Variants in SSBP4 observed in about 807,000 individuals in gnomAD.
The protein encoded by SSBP4 is single stranded DNA binding protein 4.
SSBP4 carries 33 observed loss-of-function variants against 64.6 expected under a neutral mutation model. That is an observed-to-expected ratio of 0.51 (90% CI 0.39 to 0.68). The LOEUF (loss-of-function observed/expected upper bound fraction) is 0.68. SSBP4 is among the 30% of genes least tolerant of loss of function. SSBP4 has a pLI of 0.00. For missense variants in SSBP4, 583 were observed against 566.8 expected (o/e 1.03, Z -0.29); for synonymous variants, 243 against 224.0 (o/e 1.08, Z -0.76).
chr19:18,408,109 C>T, the SSBP4 span, among the ~76,000 whole-genome samples: 2 of 152,182 alleles, frequency 1.3e-5, no homozygotes, highest in Non-Finnish European at 2.9e-5. Flanking sequence ...GGAAATAAAA[C>T]GTGGCATGAA....
In SSBP4 at chr19:18,419,541, G is replaced by A; in HGVS notation, c.-108G>A. The A allele has an allele frequency of 8.8e-7, 1 of 1,142,682 alleles. No homozygotes were observed. Among genetic ancestry groups the A allele is most frequent in the Non-Finnish European group, 1.1e-6 (1 of 929,224 alleles). The allele number at this position is 1,142,682 out of a possible 1,614,324, so 70.8% of individuals were successfully genotyped here. ...GACGATGCCTGCCGTGCCCGCCTGG[G>A]GCTCGGGGCGGTGAGGCCCGGGGCG... On this transcript the variant is annotated 5_prime_UTR_variant, in exon 1 of 18. Transcript: ENST00000270061.
the SSBP4 span, among the ~76,000 whole-genome samples, chr19:18,411,761 T>G: frequency 1.4e-5 from 2 of 145,000 alleles, no homozygotes; most frequent in African/African-American, 4.9e-5. Context: ...CTCTGTGGTG[T>G]TGTTAAGCCA....
chr19:18,404,653 G>C, the SSBP4 span, among the ~76,000 whole-genome samples: 2 of 150,918 alleles, frequency 1.3e-5, no homozygotes, highest in South Asian at 4.2e-4. Context: ...AGCACTTAGG[G>C]AGGCTGAGGT....
rs780991715 is a variant in SSBP4, at chr19:18,433,687, G to T, written c.1021-23G>T. Reference sequence around the variant, plus strand: ...GGGAGGGGGCGGGGCGGGGAGTTGCGAGCCGACGGCGGCCGCCCCCAGAGT... The same window carrying T: ...GGGAGGGGGCGGGGCGGGGAGTTGCTAGCCGACGGCGGCCGCCCCCAGAGT... On this transcript the variant is annotated intron_variant, in intron 16 of 17. Transcript: ENST00000270061. 11 of 1,391,998 alleles carry T rather than the reference G, an allele frequency of 7.9e-6. No individual in the cohort carries two copies. The African/African-American group carries it at 9.3e-5, about 12-fold the overall frequency. 86.2% of individuals were successfully genotyped at this position (1,391,998 alleles called of 1,614,324 possible). A position where few individuals can be genotyped will look rare whatever the true frequency, so the allele number is the denominator to read the frequency against.
chr19:18,434,471 C>T lies in SSBP4; in HGVS notation c.*225C>T, dbSNP rs1178103799. On this transcript the variant is annotated 3_prime_UTR_variant, in exon 18 of 18. Coordinates refer to ENST00000270061, the MANE Select transcript of SSBP4 (RefSeq NM_032627.5). Reference sequence around the variant, plus strand: ...CCCTTCCTGCCATTTGTATTTTGTCCCAGAGAGAAAGGCTCTTTGGGGGGC... The same window carrying T: ...CCCTTCCTGCCATTTGTATTTTGTCTCAGAGAGAAAGGCTCTTTGGGGGGC... The T allele has an allele frequency of 2.2e-6, 2 of 926,820 alleles. No homozygotes were observed. The highest frequency in any genetic ancestry group is 3.4e-5 in the African/African-American group (2 of 58,424). The allele number at this position is 926,820 out of a possible 1,614,324, so 57.4% of individuals were successfully genotyped here. A position where few individuals can be genotyped will look rare whatever the true frequency, so the allele number is the denominator to read the frequency against.
At position 18,419,547 on chromosome 19, in the gene SSBP4, G is replaced by A. The variant is rs1482822603; in HGVS notation, c.-102G>A. ...GCCTGCCGTGCCCGCCTGGGGCTCG[G>A]GGCGGTGAGGCCCGGGGCGCGGGGT... On this transcript the variant is annotated 5_prime_UTR_variant, in exon 1 of 18. Coordinates refer to ENST00000270061, the MANE Select transcript of SSBP4 (RefSeq NM_032627.5). 5.2e-6 allele frequency: 6 copies of A among 1,150,528 alleles called. No homozygotes were observed. The highest frequency in any genetic ancestry group is 6.4e-6 in the Non-Finnish European group (6 of 934,052). The allele number at this position is 1,150,528 out of a possible 1,614,324, so 71.3% of individuals were successfully genotyped here.
intron 11 of SSBP4, 25 bp downstream of exon 11, chr19:18,432,629 G>C (rs1287685414): frequency 1.5e-5 from 23 of 1,491,476 alleles, no homozygotes; most frequent in Non-Finnish European, 1.8e-5. Context: ...GGGTGGGCAG[G>C]CTTGGGGTGG....
chr19:18,403,044 C>T, the SSBP4 span, among the ~76,000 whole-genome samples: 2 of 152,250 alleles, frequency 1.3e-5, no homozygotes, highest in Non-Finnish European at 2.9e-5. Flanking sequence ...AGAAAAACCG[C>T]CCTATGGCGG....
chr19:18,413,118 G>A, the SSBP4 span, among the ~76,000 whole-genome samples: 1 of 151,666 alleles, frequency 6.6e-6, no homozygotes, highest in South Asian at 2.1e-4. Flanking sequence ...CCCACTCAGG[G>A]GCGAGGAGCG....
chr19:18,433,088 C>T (rs764113467), intron 14 of SSBP4, 45 bp downstream of exon 14: 3 of 1,613,624 alleles, frequency 1.9e-6, no homozygotes, highest in South Asian at 2.2e-5. Flanking sequence ...GGTGACCCCA[C>T]TTGGGGAATG....
chr19:18,430,590 G>A (rs762373263), intron 4 of SSBP4, among the ~76,000 whole-genome samples: 1 of 152,190 alleles, frequency 6.6e-6, no homozygotes, highest in Non-Finnish European at 1.5e-5. Context: ...CAGCCAGGAC[G>A]ATGCAGGGCC....
rs1169169184 is a variant in SSBP4, at chr19:18,433,799, C to T, written c.1110C>T (p.His370=). Residue 370 remains histidine (H), a synonymous_variant, in exon 17 of 18, where the codon CAC becomes CAT. Coordinates refer to ENST00000270061, the MANE Select transcript of SSBP4 (RefSeq NM_032627.5). ...TGGCGGCCGCCGGGACCTTCCTGCACCCGTTCCCGAGCGAAAGCGTAAGCG... is the reference window on the plus strand; with the variant it reads ...TGGCGGCCGCCGGGACCTTCCTGCATCCGTTCCCGAGCGAAAGCGTAAGCG... ...GEMAAAGTFL[H]PFPSESYSPG... is the part of the protein sequence containing the mutation. 2 of 1,442,876 alleles carry T rather than the reference C, an allele frequency of 1.4e-6. No homozygotes were observed. The highest frequency in any genetic ancestry group is 2.7e-5 in the South Asian group (2 of 74,416). 89.4% of individuals were successfully genotyped at this position (1,442,876 alleles called of 1,614,324 possible).
chr19:18,423,658 G>A lies in SSBP4; in HGVS notation c.60-3693G>A, dbSNP rs1333784570. ...TGTGGTACATTTCAGGCCACCAGGC[G>A]CTAGCACCCCATCCTGGCTCTGCTT... On this transcript the variant is annotated intron_variant, in intron 1 of 17. Transcript: ENST00000270061. The surrounding 1 kb of genome is among the most constrained non-coding windows in gnomAD (Gnocchi z 4.0). 5.9e-5 allele frequency among the ~76,000 whole-genome samples: 9 copies of A among 152,260 alleles called. No individual in the cohort carries two copies. In the South Asian group the frequency reaches 6.2e-4, roughly 11 times the overall value.
At position 18,419,618 on chromosome 19, in the gene SSBP4, G is replaced by A; in HGVS notation, c.-31G>A. On this transcript the variant is annotated 5_prime_UTR_variant, in exon 1 of 18. In the 5' UTR this introduces an upstream ATG that the reference lacks. Coordinates refer to ENST00000270061, the MANE Select transcript of SSBP4 (RefSeq NM_032627.5). The stretch of plus-strand genomic sequence containing the variant: ...CGGCCCGCGGCGCCGCCTGACAGGT[G>A]TGGGCCCCGGCGGCGGCGGCGTGGA... The A allele has an allele frequency of 7.9e-7, 1 of 1,264,008 alleles. No homozygotes were observed. 78.3% of individuals were successfully genotyped at this position (1,264,008 alleles called of 1,614,324 possible).
chr19:18,419,195 G>T, upstream of SSBP4: 1 of 986,322 alleles, frequency 1.0e-6, no homozygotes, highest in Middle Eastern at 5.2e-4. Flanking sequence ...GCCGCGATCA[G>T]CTGTGCGTCC....
chr19:18,422,377 C>G (rs916701991), intron 1 of SSBP4, among the ~76,000 whole-genome samples: 4 of 152,172 alleles, frequency 2.6e-5, no homozygotes, highest in African/African-American at 7.2e-5. Context: ...TCGGAAGTCC[C>G]TCAGCTGCCA....
upstream of SSBP4, among the ~76,000 whole-genome samples, chr19:18,416,770 C>T (rs1972134946): frequency 6.6e-6 from 1 of 152,216 alleles, no homozygotes; most frequent in Non-Finnish European, 1.5e-5. Context: ...ATCCACCCCT[C>T]CTCTCCCCGT....
Position 18,432,857 on chromosome 19 carries a change from G to A in SSBP4, c.815G>A (p.Gly272Glu), listed in dbSNP as rs758012954. ...CCCCCAGGAGGAGGTGGGCCCCCTG[G>A]AACACCCATCATGCCTAGCCCTGGA... ...TGPPGGGGPP[G>E]TPIMPSPGDS... Residue 272 changes from glycine (G) to glutamate (E), a missense_variant, in exon 13 of 18, where the codon GGA (glycine) becomes GAA (glutamate). Around this residue, in one of 5 missense-constraint regions of SSBP4, gnomAD observed 444 missense variants for 386.6 expected, o/e 1.15. Transcript: ENST00000270061. 1.2e-6 allele frequency: 2 copies of A among 1,613,986 alleles called. No homozygotes were observed. The highest frequency in any genetic ancestry group is 1.7e-5 in the Admixed American group (1 of 60,024).
the SSBP4 span, among the ~76,000 whole-genome samples, chr19:18,406,401 A>G: frequency 6.6e-6 from 1 of 151,800 alleles, no homozygotes; most frequent in South Asian, 2.1e-4. Context: ...GGCTGGTCTC[A>G]AACTCCTGGC....
Sources: allele counts gnomAD v4.1 joint callset (sites outside exome capture counted in the v4.1 genomes callset), GRCh38; gene constraint gnomAD v4.1.1; regional missense constraint gnomAD v4.1.1; non-coding constraint Gnocchi (gnomAD v3.1); transcripts MANE v1.5; gene names NCBI Gene and HGNC (gene_info 2026-07-23, HGNC 2026-07-21).